The following ZNF385D variants were observed in gnomAD, a reference collection of about 807,000 sequenced individuals.
ZNF385D encodes the protein zinc finger protein 659.
A neutral mutation model predicts 35.8 loss-of-function variants in ZNF385D; 15 were observed. That is an observed-to-expected ratio of 0.42 (90% CI 0.28 to 0.64). The LOEUF (loss-of-function observed/expected upper bound fraction) is 0.64. Ranked by LOEUF, ZNF385D falls within the 30% of genes least tolerant of loss-of-function variation. The pLI is 0.23. For synonymous variants in ZNF385D, 212 were observed against 186.8 expected (o/e 1.13, Z -1.10); for missense variants, 474 against 494.6 (o/e 0.96, Z 0.39).
chr3:22,222,286 G>C (rs906410839), intron 2 of ZNF385D, among the ~76,000 whole-genome samples: 1 of 151,262 alleles, frequency 6.6e-6, no homozygotes, highest in African/African-American at 2.4e-5. Context: ...AATTCTGCTG[G>C]CCATAAAAAA....
At chr3:21,689,419 C>G (rs2067211944) in intron 1 of ZNF385D, among the ~76,000 whole-genome samples, 2 of 152,114 alleles carry the variant, frequency 1.3e-5, no homozygotes. Context: ...TTCTTCCATG[C>G]TCACTAAAGA....
intron 4 of ZNF385D, among the ~76,000 whole-genome samples, chr3:21,441,505 A>T (rs7625365): frequency 1.3e-5 from 2 of 151,866 alleles, no homozygotes; most frequent in Non-Finnish European, 2.9e-5. Flanking sequence ...AATTGAATTC[A>T]TCCTGATTTA....
chr3:22,084,523 G>A (rs890960877), intron 3 of ZNF385D, among the ~76,000 whole-genome samples: 5 of 152,132 alleles, frequency 3.3e-5, no homozygotes, highest in Admixed American at 3.3e-4. Context: ...AACAAGAAGA[G>A]CTAACTATCC....
chr3:22,070,525 C>T lies in ZNF385D; in HGVS notation c.325+98292G>A, dbSNP rs370283499. Among the ~76,000 whole-genome samples, 6 of 152,150 alleles carry T rather than the reference C, an allele frequency of 3.9e-5. No individual in the cohort carries two copies. In the East Asian group the frequency reaches 1.2e-3, roughly 29 times the overall value. ...TCACTTAGGAAAGTGAAATAGGTTT[C>T]TATGAAAGTTCTTCCCATCCTAGGA... On this transcript the variant is annotated intron_variant, in intron 3 of 5. Coordinates refer to the ZNF385D transcript ENST00000494108.
At chr3:21,957,726 T>C (rs1702366136) in intron 3 of ZNF385D, among the ~76,000 whole-genome samples, 1 of 152,130 alleles carries the variant, frequency 6.6e-6, no homozygotes, top group Non-Finnish European at 1.5e-5. Context: ...CATTTTCTCC[T>C]ACATGGATTT....
chr3:21,946,218 A>G (rs942839931), intron 3 of ZNF385D, among the ~76,000 whole-genome samples: 2 of 152,142 alleles, frequency 1.3e-5, no homozygotes, highest in African/African-American at 4.8e-5. Flanking sequence ...TAACTTAACC[A>G]TTTCCATCCT....
chr3:21,506,337 G>C (rs765132010), intron 4 of ZNF385D, among the ~76,000 whole-genome samples: 1 of 152,184 alleles, frequency 6.6e-6, no homozygotes, highest in Non-Finnish European at 1.5e-5. Context: ...CAGCTGATAT[G>C]TAGTATGAGT....
chr3:21,417,796 C>A lies in ZNF385D; in HGVS notation c.*3418G>T, dbSNP rs1357068255. On this transcript the variant is annotated 3_prime_UTR_variant, in exon 8 of 8. Transcript: ENST00000281523. ...CCTTTGCTAACTAGTTTCTTGGCAACAAAATATGTAGCACCTTTAGAAAAA... is the reference window on the plus strand; with the variant it reads ...CCTTTGCTAACTAGTTTCTTGGCAAAAAAATATGTAGCACCTTTAGAAAAA... 1 of 152,056 alleles carries A rather than the reference C, an allele frequency of 6.6e-6. No individual in the cohort carries two copies. Among genetic ancestry groups the A allele is most frequent in the Non-Finnish European group, 1.5e-5 (1 of 67,980 alleles). 9.4% of individuals were successfully genotyped at this position (152,056 alleles called of 1,614,324 possible). A position where few individuals can be genotyped will look rare whatever the true frequency, so the allele number is the denominator to read the frequency against.
At chr3:21,973,731 C>T (rs1376965887) in intron 3 of ZNF385D, among the ~76,000 whole-genome samples, 1 of 151,984 alleles carries the variant, frequency 6.6e-6, no homozygotes. Flanking sequence ...AGTAAAGTTG[C>T]AGGATACAAT....
chr3:22,340,810 T>A (rs6550677), intron 2 of ZNF385D, among the ~76,000 whole-genome samples: 56,262 of 152,144 alleles, frequency 0.37, 12,699 homozygotes, highest in African/African-American at 0.63. Context: ...GGAATCCACA[T>A]TCACAGGCTC....
At chr3:22,218,903 A>G (rs1192712129) in intron 2 of ZNF385D, among the ~76,000 whole-genome samples, 1 of 152,138 alleles carries the variant, frequency 6.6e-6, no homozygotes, top group African/African-American at 2.4e-5. Context: ...TTTCATTAAA[A>G]AATACATTTT....
At chr3:22,200,495 T>G (rs997918875) in intron 2 of ZNF385D, among the ~76,000 whole-genome samples, 1 of 151,880 alleles carries the variant, frequency 6.6e-6, no homozygotes, top group Non-Finnish European at 1.5e-5. Context: ...ATATCACAAG[T>G]CAAATGGAGG....
intron 2 of ZNF385D, among the ~76,000 whole-genome samples, chr3:21,567,607 C>T (rs1278736331): frequency 6.6e-6 from 1 of 152,064 alleles, no homozygotes. Flanking sequence ...CATTGACTTA[C>T]AGGTAGATGC....
intron 3 of ZNF385D, among the ~76,000 whole-genome samples, chr3:21,919,074 ATTTGTTTGAAGAGTTGTCTCTTGTAT>A (rs1447840331): frequency 1.3e-5 from 2 of 152,188 alleles, no homozygotes; most frequent in Non-Finnish European, 2.9e-5. Flanking sequence ...CTCTAATAAC[ATTTGTTTGAAGAGTTGTCTCTTGTAT>A]CTTTCTCTGA....
At chr3:21,663,712 GAA>G (rs2066304653) in intron 2 of ZNF385D, among the ~76,000 whole-genome samples, 1 of 151,104 alleles carries the variant, frequency 6.6e-6, no homozygotes, top group Non-Finnish European at 1.5e-5. Flanking sequence ...GATTCGTATG[GAA>G]AATTCCTCTC....
intron 2 of ZNF385D, chr3:22,372,300 G>T: frequency 4.2e-6 from 1 of 239,734 alleles, no homozygotes; most frequent in Non-Finnish European, 6.8e-6. Flanking sequence ...TCCAAGGTCT[G>T]GGCGGTGCGA....
At chr3:22,342,486 T>C (rs1297338501) in intron 2 of ZNF385D, among the ~76,000 whole-genome samples, 1 of 152,038 alleles carries the variant, frequency 6.6e-6, no homozygotes, top group Non-Finnish European at 1.5e-5. Context: ...TGTCTCCTTT[T>C]TCATCTACCT....
intron 3 of ZNF385D, among the ~76,000 whole-genome samples, chr3:21,818,816 A>C (rs927520145): frequency 1.3e-5 from 2 of 151,962 alleles, no homozygotes; most frequent in Non-Finnish European, 2.9e-5. Flanking sequence ...TCCTATATTA[A>C]TGAAACATCA....
At chr3:21,826,862 G>C (rs896874075) in intron 3 of ZNF385D, among the ~76,000 whole-genome samples, 7 of 151,214 alleles carry the variant, frequency 4.6e-5, no homozygotes, top group African/African-American at 1.5e-4. Context: ...ACAAGGTTGT[G>C]AGTGGTCCCA....
Sources: gnomAD v4.1 joint callset for allele counts (sites outside exome capture counted in the v4.1 genomes callset) on GRCh38, gnomAD v4.1.1 for gene constraint, MANE v1.5 for transcripts, NCBI Gene and HGNC (gene_info 2026-07-23, HGNC 2026-07-21) for gene names.